The following DOCK2 variants were observed in gnomAD, a reference collection of about 807,000 sequenced individuals.
DOCK2 encodes the protein dedicator of cytokinesis 2.
In DOCK2, 87 loss-of-function variants were observed where a neutral mutation model predicts 248.9. That is an observed-to-expected ratio of 0.35 (90% CI 0.29 to 0.42). DOCK2 has a LOEUF of 0.42. Among genes scored for constraint, DOCK2 ranks in the 10% least tolerant of loss-of-function variants. The pLI, the probability that DOCK2 is intolerant of heterozygous loss-of-function variation, is 1.00. For missense variants in DOCK2, 1,747 were observed against 2,300.2 expected, an observed-to-expected ratio of 0.76 and a Z score of 4.92; for synonymous variants, 805 against 821.6, an observed-to-expected ratio of 0.98 and a Z score of 0.35.
intron 38 of DOCK2, among the ~76,000 whole-genome samples, chr5:170,042,408 C>T (rs1756551317): frequency 6.6e-6 from 1 of 152,218 alleles, no homozygotes; most frequent in Non-Finnish European, 1.5e-5. Flanking sequence ...ATAGGATGAT[C>T]ATAAAGCATA....
intron 5 of DOCK2, 85 bp from the exon 6 acceptor site, chr5:169,674,212 A>G (rs2113308377): frequency 6.5e-7 from 1 of 1,545,344 alleles, no homozygotes; most frequent in Non-Finnish European, 8.8e-7. Context: ...CCTTGACCAC[A>G]CTCACCTGAC....
At chr5:170,075,678 T>G in intron 46 of DOCK2, 1 of 371,808 alleles carries the variant, frequency 2.7e-6, no homozygotes. Context: ...TTCCCAACCA[T>G]GTGGCCTTTC....
chr5:170,010,484 G>T (rs1284068914), intron 32 of DOCK2, among the ~76,000 whole-genome samples: 1 of 152,194 alleles, frequency 6.6e-6, no homozygotes, highest in African/African-American at 2.4e-5. Flanking sequence ...GTAAGGGCCT[G>T]CGGCAGAGTG....
chr5:170,041,313 T>C (rs1352978504), intron 37 of DOCK2, among the ~76,000 whole-genome samples, 168 bp downstream of exon 37: 5 of 152,212 alleles, frequency 3.3e-5, no homozygotes. Context: ...GCTTCCCTGG[T>C]CACATGTGGT....
At position 170,082,935 on chromosome 5, in the gene DOCK2, GA is replaced by G; in HGVS notation, c.*79del. The G allele has an allele frequency of 6.3e-7, 1 of 1,584,628 alleles. No individual in the cohort carries two copies. Among genetic ancestry groups the G allele is most frequent in the Non-Finnish European group, 8.7e-7 (1 of 1,156,010 alleles). ...AGAGGAAAGCCATGCGTGGAACATC[GA>G]AGCCTCAGAGAGTGGGAGACTGTCC... is the stretch of plus-strand genomic sequence containing the variant. On this transcript the variant is annotated 3_prime_UTR_variant, in exon 52 of 52. Transcript: ENST00000520908.
At chr5:169,858,548 C>T (rs1043048951) in intron 27 of DOCK2, among the ~76,000 whole-genome samples, 9 of 152,110 alleles carry the variant, frequency 5.9e-5, no homozygotes, top group African/African-American at 2.2e-4. Context: ...ACAGGAGAGG[C>T]AGGGCAGGAT....
At chr5:169,693,424 T>A (rs1760420412) in intron 9 of DOCK2, among the ~76,000 whole-genome samples, 1 of 152,130 alleles carries the variant, frequency 6.6e-6, no homozygotes, top group Non-Finnish European at 1.5e-5. Flanking sequence ...TCATGTCAAC[T>A]GGGAAAGAGT....
chr5:170,019,176 C>CGGCGA, intron 33 of DOCK2, 68 bp downstream of exon 33: 1 of 1,604,896 alleles, frequency 6.2e-7, no homozygotes, highest in Non-Finnish European at 8.5e-7. Flanking sequence ...ATAATGATAT[C>CGGCGA]CTCATTCCAT....
At chr5:169,645,456 A>C (rs932561625) in intron 1 of DOCK2, among the ~76,000 whole-genome samples, 28 of 152,180 alleles carry the variant, frequency 1.8e-4, no homozygotes. Context: ...CTTTGTCCAC[A>C]TTTTGATGGG....
intron 1 of DOCK2, among the ~76,000 whole-genome samples, chr5:169,648,746 A>G (rs1475961635): frequency 6.6e-6 from 1 of 152,200 alleles, no homozygotes; most frequent in African/African-American, 2.4e-5. Flanking sequence ...CAGATTCACG[A>G]TGAAATGGGT....
intron 27 of DOCK2, among the ~76,000 whole-genome samples, chr5:169,939,610 G>A (rs1776149627): frequency 6.6e-6 from 1 of 152,176 alleles, no homozygotes; most frequent in South Asian, 2.1e-4. Flanking sequence ...ACAAATAGGT[G>A]AGTGATGCAT....
chr5:169,815,845 G>A (rs552349998), intron 26 of DOCK2, among the ~76,000 whole-genome samples: 10 of 152,128 alleles, frequency 6.6e-5, no homozygotes, highest in East Asian at 1.9e-4. Context: ...ATGGCGTGGC[G>A]GCTTGGAGGA....
At chr5:169,988,356 T>A (rs893452031) in intron 29 of DOCK2, among the ~76,000 whole-genome samples, 1 of 152,124 alleles carries the variant, frequency 6.6e-6, no homozygotes, top group Non-Finnish European at 1.5e-5. Flanking sequence ...AACTTTATAA[T>A]GTAGAACAAC....
chr5:169,929,571 T>TAACAAC (rs571979151), intron 27 of DOCK2, among the ~76,000 whole-genome samples: 2 of 151,538 alleles, frequency 1.3e-5, no homozygotes, highest in Non-Finnish European at 2.9e-5. Context: ...ACCTTGTCTC[T>TAACAAC]AACAACAACA....
chr5:169,649,574 G>A (rs1374671036), intron 1 of DOCK2, among the ~76,000 whole-genome samples: 1 of 152,170 alleles, frequency 6.6e-6, no homozygotes, highest in African/African-American at 2.4e-5. Context: ...TGGATGTAAC[G>A]AGGATATAAA....
chr5:169,833,340 T>A lies in DOCK2; in HGVS notation c.2704-7417T>A, dbSNP rs1417466817. 3.9e-5 allele frequency among the ~76,000 whole-genome samples: 6 copies of A among 152,144 alleles called. No homozygotes were observed. In the East Asian group the frequency reaches 9.6e-4, roughly 24 times the overall value. ...AATTAAAATAGGTACATATTTTTCC[T>A]CCCTCTTGAAAACCTCCTGAAAAAA... On this transcript the variant is annotated intron_variant, in intron 26 of 51. Coordinates refer to ENST00000520908, the MANE Select transcript of DOCK2 (RefSeq NM_004946.3).
At chr5:169,663,278 G>T (rs567635519) in intron 2 of DOCK2, among the ~76,000 whole-genome samples, 1 of 152,316 alleles carries the variant, frequency 6.6e-6, no homozygotes, top group African/African-American at 2.4e-5. Flanking sequence ...GCATTGCAGG[G>T]TACAGACCCC....
At chr5:169,913,539 G>A (rs1300424258) in intron 27 of DOCK2, among the ~76,000 whole-genome samples, 1 of 152,064 alleles carries the variant, frequency 6.6e-6, no homozygotes, top group Non-Finnish European at 1.5e-5. Context: ...TTACTCAAAA[G>A]GAGCTCTAGA....
At chr5:170,007,898 G>T (rs1260104471) in intron 30 of DOCK2, among the ~76,000 whole-genome samples, 1 of 152,184 alleles carries the variant, frequency 6.6e-6, no homozygotes, top group African/African-American at 2.4e-5. Flanking sequence ...CTAGGCAGCG[G>T]CCAGAGAATT....
Sources: allele counts gnomAD v4.1 joint callset (sites outside exome capture counted in the v4.1 genomes callset), GRCh38; gene constraint gnomAD v4.1.1; transcripts MANE v1.5; gene names NCBI Gene and HGNC (gene_info 2026-07-23, HGNC 2026-07-21).